LINGO2: variants seen among roughly 807,000 people sequenced by gnomAD.
LINGO2 encodes the protein leucine rich repeat and Ig domain containing 2, also known as leucine-rich repeat and immunoglobulin-like domain-containing nogo receptor-interacting protein 2.
LINGO2 carries 14 observed loss-of-function variants against 30.6 expected under a neutral mutation model. That is an observed-to-expected ratio of 0.46 (90% CI 0.30 to 0.72). The LOEUF is 0.72. Among genes scored for constraint, LINGO2 ranks in the 30% least tolerant of loss-of-function variants. The pLI is 0.07. For missense variants in LINGO2, 729 were observed against 751.7 expected (o/e 0.97, Z 0.35); for synonymous variants, 317 against 288.5 (o/e 1.10, Z -1.00).
At chr9:29,154,113 G>T in the LINGO2 span, among the ~76,000 whole-genome samples, 1 of 152,186 alleles carries the variant, frequency 6.6e-6, no homozygotes, top group Admixed American at 6.5e-5. Context: ...GTATTTCAGT[G>T]AGCAACTAAA....
At chr9:28,448,047 T>C (rs1364337680) in intron 2 of LINGO2, among the ~76,000 whole-genome samples, 3 of 152,124 alleles carry the variant, frequency 2.0e-5, no homozygotes, top group Admixed American at 1.3e-4. Context: ...GCTAAGCTTC[T>C]CTGTGGATCA....
intron 3 of LINGO2, among the ~76,000 whole-genome samples, chr9:28,316,795 C>T (rs1207378947): frequency 6.6e-6 from 1 of 152,038 alleles, no homozygotes; most frequent in Non-Finnish European, 1.5e-5. Context: ...TCCAAGAAGG[C>T]CTTTCAGAAA....
At chr9:28,668,286 A>G (rs1025537714) in intron 1 of LINGO2, among the ~76,000 whole-genome samples, 3 of 152,076 alleles carry the variant, frequency 2.0e-5, no homozygotes, top group African/African-American at 7.2e-5. Context: ...AAAAGGAACC[A>G]GTGCTGTGGG....
chr9:28,985,713 G>A, the LINGO2 span, among the ~76,000 whole-genome samples: 1 of 152,026 alleles, frequency 6.6e-6, no homozygotes, highest in Admixed American at 6.6e-5. Context: ...TTGTTGTTGT[G>A]TTATTTTCTC....
intron 5 of LINGO2, among the ~76,000 whole-genome samples, chr9:27,987,610 C>T (rs562209644): frequency 2.0e-4 from 30 of 151,898 alleles, no homozygotes; most frequent in Non-Finnish European, 3.7e-4. Flanking sequence ...AGCATTCACT[C>T]CATCTCACTA....
the LINGO2 span, among the ~76,000 whole-genome samples, chr9:29,193,555 C>T: frequency 6.6e-6 from 1 of 152,232 alleles, no homozygotes; most frequent in Admixed American, 6.5e-5. Flanking sequence ...AATTTTTATT[C>T]CAAATCTTCA....
chr9:28,149,708 TGC>T, intron 4 of LINGO2, among the ~76,000 whole-genome samples: 1 of 133,268 alleles, frequency 7.5e-6, no homozygotes, highest in African/African-American at 2.9e-5. Flanking sequence ...GCCTGGCCAC[TGC>T]CCTGTCTTGG....
At chr9:28,694,019 G>T in the LINGO2 span, among the ~76,000 whole-genome samples, 1 of 151,696 alleles carries the variant, frequency 6.6e-6, no homozygotes. Context: ...CATGATATCA[G>T]CTGGTAGTTA....
intron 4 of LINGO2, among the ~76,000 whole-genome samples, chr9:28,069,874 CAA>C (rs1356164784): frequency 6.6e-6 from 1 of 152,134 alleles, no homozygotes; most frequent in African/African-American, 2.4e-5. Context: ...GCTTAACTGC[CAA>C]ATAGCCATGT....
At chr9:28,236,239 C>A (rs908519612) in intron 4 of LINGO2, among the ~76,000 whole-genome samples, 5 of 152,084 alleles carry the variant, frequency 3.3e-5, no homozygotes, top group African/African-American at 1.2e-4. Context: ...TAAAAATATT[C>A]TTTAAGCATG....
At chr9:28,899,314 G>C in the LINGO2 span, among the ~76,000 whole-genome samples, 2 of 152,160 alleles carry the variant, frequency 1.3e-5, no homozygotes, top group Non-Finnish European at 2.9e-5. Flanking sequence ...GGATCCCACA[G>C]CCTTACAATC....
chr9:28,776,387 A>G, the LINGO2 span, among the ~76,000 whole-genome samples: 131 of 152,286 alleles, frequency 8.6e-4, 3 homozygotes, highest in African/African-American at 3.0e-3. Context: ...TCTAAATTGT[A>G]ACTCTAGAAA....
chr9:28,075,509 A>G (rs2133193964), intron 4 of LINGO2, among the ~76,000 whole-genome samples: 1 of 152,060 alleles, frequency 6.6e-6, no homozygotes, highest in Admixed American at 6.6e-5. Flanking sequence ...TCTACTGGTA[A>G]TTTATAGACA....
intron 2 of LINGO2, among the ~76,000 whole-genome samples, chr9:28,464,382 G>C (rs1202787819): frequency 6.6e-6 from 1 of 152,104 alleles, no homozygotes; most frequent in Non-Finnish European, 1.5e-5. Flanking sequence ...TATTATAGTT[G>C]TTTGGATGAA....
chr9:29,103,717 T>C, the LINGO2 span, among the ~76,000 whole-genome samples: 1 of 152,192 alleles, frequency 6.6e-6, no homozygotes, highest in Non-Finnish European at 1.5e-5. Context: ...TTGCCATTCC[T>C]AGTCAATACC....
intron 2 of LINGO2, among the ~76,000 whole-genome samples, chr9:28,468,184 G>T (rs987712843): frequency 3.3e-5 from 5 of 152,074 alleles, no homozygotes; most frequent in African/African-American, 2.4e-5. Flanking sequence ...ATTAAAAATG[G>T]TAAGAAATTT....
chr9:28,932,339 T>C, the LINGO2 span, among the ~76,000 whole-genome samples: 5 of 152,046 alleles, frequency 3.3e-5, no homozygotes, highest in Admixed American at 1.3e-4. Flanking sequence ...CCTTCCTTTA[T>C]AATAACTGGA....
chr9:28,054,081 TG>T, intron 4 of LINGO2, among the ~76,000 whole-genome samples: 1 of 150,316 alleles, frequency 6.7e-6, no homozygotes, highest in Non-Finnish European at 1.5e-5. Context: ...AAAGAGAAAG[TG>T]GGATTCTGTG....
intron 4 of LINGO2, among the ~76,000 whole-genome samples, chr9:28,042,680 A>G (rs112679166): frequency 5.3e-4 from 80 of 152,244 alleles, no homozygotes; most frequent in African/African-American, 1.8e-3. Flanking sequence ...TTCAGTCTCC[A>G]TTTCAGACTC....
Sources: allele counts gnomAD v4.1 joint callset (sites outside exome capture counted in the v4.1 genomes callset), GRCh38; gene constraint gnomAD v4.1.1; transcripts MANE v1.5; gene names NCBI Gene and HGNC (gene_info 2026-07-23, HGNC 2026-07-21).